OSBP2: variants seen among roughly 807,000 people sequenced by gnomAD.
OSBP2 encodes the protein oxysterol-binding protein 2.
In OSBP2, 66 loss-of-function variants were observed where a neutral mutation model predicts 96.0. That is an observed-to-expected ratio of 0.69 (90% CI 0.56 to 0.84). OSBP2 has a LOEUF of 0.84. Among genes scored for constraint, OSBP2 ranks in the 40% least tolerant of loss-of-function variants. The probability of loss-of-function intolerance (pLI) is 0.00; values close to 1 mark genes in which losing one functional copy is unlikely to be tolerated. For missense variants in OSBP2, 1,038 were observed against 1,222.7 expected, an observed-to-expected ratio of 0.85 and a Z score of 2.25; for synonymous variants, 525 against 520.9, an observed-to-expected ratio of 1.01 and a Z score of -0.11.
Position 30,695,678 on chromosome 22 carries a change from C to T in OSBP2, c.644+125C>T. ...TAGAGATGTTTAGGGGCATGCATTC[C>T]AGCAGGCCAAGTCACGCTTCTGGCC... is the stretch of plus-strand genomic sequence containing the variant. On this transcript the variant is annotated intron_variant, in intron 1 of 13. Transcript: ENST00000332585. 2.0e-6 allele frequency: 3 copies of T among 1,477,934 alleles called. No individual in the cohort carries two copies. In the South Asian group the frequency reaches 4.1e-5, roughly 20 times the overall value. 91.6% of individuals were successfully genotyped at this position (1,477,934 alleles called of 1,614,324 possible).
At chr22:30,834,081 G>GC (rs1294992501) in intron 2 of OSBP2, among the ~76,000 whole-genome samples, 1 of 151,004 alleles carries the variant, frequency 6.6e-6, no homozygotes, top group African/African-American at 2.4e-5. Context: ...ATAGGGTCTT[G>GC]CTCTGCTGCC....
chr22:30,746,861 C>CAAGAA (rs1253498577), intron 2 of OSBP2, among the ~76,000 whole-genome samples: 1 of 152,030 alleles, frequency 6.6e-6, no homozygotes, highest in South Asian at 2.1e-4. Context: ...AAAGACGTCA[C>CAAGAA]AAGAAAAGAA....
At chr22:30,830,857 C>T (rs1003399751) in intron 2 of OSBP2, among the ~76,000 whole-genome samples, 1 of 149,064 alleles carries the variant, frequency 6.7e-6, no homozygotes, top group South Asian at 2.1e-4. Context: ...TTCCTTTATA[C>T]AAACATCCTT....
chr22:30,741,499 C>A, intron 2 of OSBP2, 130 bp downstream of exon 2: 2 of 689,262 alleles, frequency 2.9e-6, no homozygotes, highest in East Asian at 2.7e-5. Context: ...TCTGGAAGGT[C>A]AAGGTGCGTG....
chr22:30,731,618 G>T (rs1354947096), intron 1 of OSBP2: 2 of 154,126 alleles, frequency 1.3e-5, no homozygotes, highest in Non-Finnish European at 2.9e-5. Flanking sequence ...CACACCTTGC[G>T]CTACTCAGGT....
intron 5 of OSBP2, 98 bp downstream of exon 5, chr22:30,888,438 T>G: frequency 1.2e-6 from 1 of 800,710 alleles, no homozygotes; most frequent in South Asian, 1.5e-5. Context: ...GGGGTTTTCT[T>G]TCCTTTAAAT....
intron 3 of OSBP2, among the ~76,000 whole-genome samples, chr22:30,884,587 A>G (rs2039770324): frequency 6.6e-6 from 1 of 152,108 alleles, no homozygotes; most frequent in African/African-American, 2.4e-5. Context: ...GGGGGAGGGA[A>G]GGTGCCCAGA....
chr22:30,815,813 C>T (rs2091076869), intron 2 of OSBP2, among the ~76,000 whole-genome samples: 1 of 152,136 alleles, frequency 6.6e-6, no homozygotes, highest in African/African-American at 2.4e-5. Context: ...TGTAATATTC[C>T]ACTGAGTTGC....
intron 2 of OSBP2, among the ~76,000 whole-genome samples, chr22:30,840,812 GTTTTT>G (rs112395064): frequency 2.0e-5 from 3 of 146,568 alleles, no homozygotes; most frequent in African/African-American, 5.0e-5. Context: ...TAGTTTTAGT[GTTTTT>G]TTTTTTAACA....
intron 2 of OSBP2, among the ~76,000 whole-genome samples, chr22:30,840,849 C>A (rs1309170830): frequency 6.6e-6 from 1 of 151,604 alleles, no homozygotes; most frequent in Non-Finnish European, 1.5e-5. Context: ...ATATAATTCA[C>A]ACACCACATA....
At chr22:30,749,331 T>A (rs2090044648) in intron 2 of OSBP2, among the ~76,000 whole-genome samples, 1 of 152,222 alleles carries the variant, frequency 6.6e-6, no homozygotes. Flanking sequence ...AAGTTCTGAG[T>A]CTTTAGTTGG....
chr22:30,751,771 C>T (rs2090076582), intron 2 of OSBP2, among the ~76,000 whole-genome samples: 1 of 152,184 alleles, frequency 6.6e-6, no homozygotes, highest in South Asian at 2.1e-4. Context: ...GATTAGGCGC[C>T]CAGGGCACTT....
chr22:30,799,743 T>C (rs2090823834), intron 2 of OSBP2, among the ~76,000 whole-genome samples: 1 of 152,266 alleles, frequency 6.6e-6, no homozygotes, highest in East Asian at 1.9e-4. Flanking sequence ...TCACCACTCC[T>C]GTGGAGCAGT....
chr22:30,819,618 A>G (rs1421653245), intron 2 of OSBP2, among the ~76,000 whole-genome samples: 1 of 152,264 alleles, frequency 6.6e-6, no homozygotes, highest in East Asian at 1.9e-4. Context: ...CATGAGCAGA[A>G]TCTGATAGTT....
At chr22:30,768,147 A>G (rs1197067588) in intron 2 of OSBP2, among the ~76,000 whole-genome samples, 1 of 152,062 alleles carries the variant, frequency 6.6e-6, no homozygotes. Flanking sequence ...GCAGAGCTCA[A>G]AGGAGATTGG....
intron 2 of OSBP2, among the ~76,000 whole-genome samples, chr22:30,769,749 C>A (rs1466032958): frequency 6.6e-6 from 1 of 152,168 alleles, no homozygotes; most frequent in South Asian, 2.1e-4. Flanking sequence ...TCATCACTAC[C>A]ATTCCAGGCT....
intron 2 of OSBP2, chr22:30,764,172 C>A: frequency 1.1e-6 from 1 of 924,926 alleles, no homozygotes; most frequent in Non-Finnish European, 1.3e-6. Flanking sequence ...GGCTCGCCTA[C>A]CCTCCATTGA....
chr22:30,888,523 T>G (rs986366033), intron 5 of OSBP2, among the ~76,000 whole-genome samples, 183 bp downstream of exon 5: 1 of 151,860 alleles, frequency 6.6e-6, no homozygotes, highest in Non-Finnish European at 1.5e-5. Flanking sequence ...AATACAAGAG[T>G]TTGAGACCAG....
Position 30,806,946 on chromosome 22 carries a change from A to G in OSBP2, c.854-63483A>G, listed in dbSNP as rs1426971978. 2.6e-5 allele frequency among the ~76,000 whole-genome samples: 4 copies of G among 152,274 alleles called. No homozygotes were observed. The East Asian group carries it at 7.7e-4, about 29-fold the overall frequency. On this transcript the variant is annotated intron_variant, in intron 2 of 13. Transcript: ENST00000332585. ...TGACTTGAGTCCTTTCTCCAAGAGC[A>G]CCTACTGCCAACAGCCTGAGTTCCA...
Sources: gnomAD v4.1 joint callset for allele counts (sites outside exome capture counted in the v4.1 genomes callset) on GRCh38, gnomAD v4.1.1 for gene constraint, MANE v1.5 for transcripts, NCBI Gene and HGNC (gene_info 2026-07-23, HGNC 2026-07-21) for gene names.